ZBTB7C: variants seen among roughly 807,000 people sequenced by gnomAD.
ZBTB7C encodes zinc finger and BTB domain-containing protein 7C.
Under a neutral mutation model 25.7 loss-of-function variants are expected in ZBTB7C, and 8 were observed. The observed-to-expected ratio is 0.31, with a 90% CI of 0.18 to 0.56. ZBTB7C has a LOEUF of 0.56. Among genes scored for constraint, ZBTB7C ranks in the 20% least tolerant of loss-of-function variants. ZBTB7C has a pLI of 0.91. For synonymous variants in ZBTB7C, 394 were observed against 369.0 expected (o/e 1.07, Z -0.78); for missense variants, 824 against 855.2 (o/e 0.96, Z 0.46).
At chr18:48,352,215 C>T (rs1020698325) in intron 1 of ZBTB7C, among the ~76,000 whole-genome samples, 9 of 152,318 alleles carry the variant, frequency 5.9e-5, no homozygotes, top group Admixed American at 1.3e-4. Context: ...GGGGGCAGCA[C>T]ATGGTACCAT....
chr18:48,278,915 G>C (rs373749770), intron 2 of ZBTB7C, among the ~76,000 whole-genome samples: 2 of 151,400 alleles, frequency 1.3e-5, no homozygotes, highest in South Asian at 4.2e-4. Context: ...TTTTGTTTCT[G>C]GATTTTTCTG....
At chr18:48,075,213 G>T (rs138516736) in intron 3 of ZBTB7C, among the ~76,000 whole-genome samples, 1 of 152,180 alleles carries the variant, frequency 6.6e-6, no homozygotes, top group Admixed American at 6.5e-5. Context: ...TGGGTAGATG[G>T]CACTGCCAAA....
chr18:48,249,183 AT>A (rs902002261), intron 2 of ZBTB7C, among the ~76,000 whole-genome samples: 1 of 152,200 alleles, frequency 6.6e-6, no homozygotes, highest in Non-Finnish European at 1.5e-5. Context: ...ATTAAATAAT[AT>A]TTTTGCAAAG....
intron 3 of ZBTB7C, chr18:48,083,838 A>G: frequency 2.0e-6 from 2 of 985,430 alleles, no homozygotes. Flanking sequence ...AGCAACCCAT[A>G]TTAGGAACTT....
intron 3 of ZBTB7C, among the ~76,000 whole-genome samples, chr18:48,158,282 G>A (rs2040898570): frequency 6.6e-6 from 1 of 152,216 alleles, no homozygotes; most frequent in South Asian, 2.1e-4. Context: ...GGGCTGCGAA[G>A]ATGTCAGGGA....
In ZBTB7C at chr18:48,075,040, C is replaced by T. The variant is rs183645569; in HGVS notation, c.-16-33917G>A. Among the ~76,000 whole-genome samples the T allele has an allele frequency of 5.9e-5, 9 of 152,278 alleles. No homozygotes were observed. The East Asian group carries it at 1.5e-3, about 26-fold the overall frequency. On this transcript the variant is annotated intron_variant, in intron 3 of 4. Coordinates refer to ENST00000590800, the MANE Select transcript of ZBTB7C (RefSeq NM_001318841.2). ...TCAAAATAGGTCATCTATCAAAGTG[C>T]GCAGAGAAGAGGGAGGTGGCACAAG...
intron 2 of ZBTB7C, among the ~76,000 whole-genome samples, chr18:48,213,672 T>C (rs1285699595): frequency 1.3e-5 from 2 of 152,234 alleles, no homozygotes; most frequent in African/African-American, 4.8e-5. Context: ...ACAGACAGCA[T>C]GTGCTTTATC....
intron 1 of ZBTB7C, among the ~76,000 whole-genome samples, chr18:48,376,374 C>T (rs11877312): frequency 0.092 from 13,981 of 151,532 alleles, 819 homozygotes; most frequent in South Asian, 0.16. Flanking sequence ...TGTGTAGATG[C>T]CCTCTAAGAA....
chr18:48,049,218 G>A (rs892782916), intron 3 of ZBTB7C, among the ~76,000 whole-genome samples: 15 of 152,208 alleles, frequency 9.9e-5, no homozygotes, highest in African/African-American at 3.1e-4. Context: ...TAAAGGACTC[G>A]TGTTCTAGTC....
At chr18:48,258,709 GT>G (rs1388086963) in intron 2 of ZBTB7C, among the ~76,000 whole-genome samples, 2 of 152,202 alleles carry the variant, frequency 1.3e-5, no homozygotes, top group African/African-American at 4.8e-5. Flanking sequence ...CCAGGCTAGA[GT>G]GCAATGGCAT....
At chr18:48,370,145 T>A (rs2047351799) in intron 1 of ZBTB7C, among the ~76,000 whole-genome samples, 1 of 152,076 alleles carries the variant, frequency 6.6e-6, no homozygotes, top group African/African-American at 2.4e-5. Context: ...TTCTGAACAA[T>A]CCATGGGCCA....
intron 2 of ZBTB7C, among the ~76,000 whole-genome samples, chr18:48,188,774 T>C (rs1190491182): frequency 6.6e-6 from 1 of 152,152 alleles, no homozygotes; most frequent in Non-Finnish European, 1.5e-5. Context: ...TGGGCTCCTA[T>C]TACACTTTCA....
intron 3 of ZBTB7C, among the ~76,000 whole-genome samples, chr18:48,080,675 G>T (rs1268372747): frequency 6.6e-6 from 1 of 152,234 alleles, no homozygotes; most frequent in African/African-American, 2.4e-5. Flanking sequence ...GGCACCATGT[G>T]ACATGAACTG....
chr18:48,096,771 A>C (rs977335908), intron 3 of ZBTB7C, among the ~76,000 whole-genome samples: 1 of 152,182 alleles, frequency 6.6e-6, no homozygotes, highest in Non-Finnish European at 1.5e-5. Flanking sequence ...AGAGAGAGCA[A>C]AGGAGTGTGG....
At chr18:48,409,723 A>C (rs1427159287), upstream of ZBTB7C, among the ~76,000 whole-genome samples, 6 of 151,932 alleles carry the variant, frequency 3.9e-5, no homozygotes, top group Non-Finnish European at 8.8e-5. Flanking sequence ...GGGAGTCAGG[A>C]CCCGACGCGG....
At chr18:48,206,657 A>G (rs1333735626) in intron 2 of ZBTB7C, among the ~76,000 whole-genome samples, 2 of 152,172 alleles carry the variant, frequency 1.3e-5, no homozygotes, top group Non-Finnish European at 2.9e-5. Context: ...AAGATAATAA[A>G]CAAACAAACA....
intron 3 of ZBTB7C, among the ~76,000 whole-genome samples, chr18:48,075,461 G>A (rs193141103): frequency 6.6e-6 from 1 of 152,346 alleles, no homozygotes; most frequent in East Asian, 1.9e-4. Flanking sequence ...AACCTCCACA[G>A]GATCTGTTTG....
chr18:48,273,271 A>T (rs893784187), intron 2 of ZBTB7C, among the ~76,000 whole-genome samples: 2 of 152,214 alleles, frequency 1.3e-5, no homozygotes, highest in Admixed American at 6.5e-5. Context: ...TTGAAAAAAA[A>T]TGCTGGAGAG....
intron 1 of ZBTB7C, among the ~76,000 whole-genome samples, chr18:48,349,825 T>G (rs528912664): frequency 3.3e-5 from 5 of 152,190 alleles, no homozygotes; most frequent in Admixed American, 3.3e-4. Flanking sequence ...AGGGCAGTTT[T>G]AAAGGGAGGG....
Sources: allele counts gnomAD v4.1 joint callset (sites outside exome capture counted in the v4.1 genomes callset), GRCh38; gene constraint gnomAD v4.1.1; transcripts MANE v1.5; gene names NCBI Gene and HGNC (gene_info 2026-07-23, HGNC 2026-07-21).